Variants in CALN1 observed in about 807,000 individuals in gnomAD.
The protein encoded by CALN1 is calcium-binding protein 8.
CALN1 carries 17 observed loss-of-function variants against 30.6 expected under a neutral mutation model. The observed-to-expected ratio is 0.56, with a 90% confidence interval of 0.38 to 0.83. The LOEUF is 0.83. CALN1 is among the 40% of genes least tolerant of loss of function. The pLI, the probability that CALN1 is intolerant of heterozygous loss-of-function variation, is 0.00. For missense variants in CALN1, 291 were observed against 354.9 expected, an observed-to-expected ratio of 0.82 and a Z score of 1.45; for synonymous variants, 156 against 131.4, an observed-to-expected ratio of 1.19 and a Z score of -1.28.
intron 6 of CALN1, among the ~76,000 whole-genome samples, chr7:71,799,235 A>G (rs1277323596): frequency 6.6e-6 from 1 of 152,144 alleles, no homozygotes; most frequent in East Asian, 1.9e-4. Context: ...CTGCATGAGG[A>G]AGATTGTATC....
At chr7:72,247,720 G>C (rs1795285850) in intron 3 of CALN1, among the ~76,000 whole-genome samples, 1 of 152,182 alleles carries the variant, frequency 6.6e-6, no homozygotes, top group Admixed American at 6.5e-5. Flanking sequence ...GCCAGGCATG[G>C]AGGCTCATGC....
chr7:72,229,852 G>A (rs970787343), intron 3 of CALN1, among the ~76,000 whole-genome samples: 3 of 151,588 alleles, frequency 2.0e-5, no homozygotes, highest in Non-Finnish European at 4.4e-5. Context: ...TTAAAACCTA[G>A]ATGACAGGGG....
chr7:72,413,886 T>A (rs995315846), upstream of CALN1, among the ~76,000 whole-genome samples: 1 of 151,282 alleles, frequency 6.6e-6, no homozygotes, highest in Admixed American at 6.6e-5. Flanking sequence ...ACACACACAC[T>A]CTTACATACA....
At chr7:71,866,521 G>T (rs1791598496) in intron 5 of CALN1, among the ~76,000 whole-genome samples, 1 of 152,062 alleles carries the variant, frequency 6.6e-6, no homozygotes, top group South Asian at 2.1e-4. Flanking sequence ...AAAACATATA[G>T]ATCATTGATA....
intron 5 of CALN1, among the ~76,000 whole-genome samples, chr7:71,860,105 C>A (rs372222632): frequency 6.6e-6 from 1 of 152,042 alleles, no homozygotes; most frequent in Non-Finnish European, 1.5e-5. Flanking sequence ...TTTTTGCTAC[C>A]CTGTATAAAC....
intron 4 of CALN1, among the ~76,000 whole-genome samples, chr7:72,074,699 C>A (rs758984724): frequency 6.6e-6 from 1 of 152,216 alleles, no homozygotes; most frequent in Non-Finnish European, 1.5e-5. Context: ...TAAGCCACTG[C>A]ACCTGGCCCC....
intron 5 of CALN1, among the ~76,000 whole-genome samples, chr7:71,969,302 T>A (rs1003130356): frequency 6.6e-6 from 1 of 152,036 alleles, no homozygotes. Context: ...CTGACATGCA[T>A]TCTCGGTATT....
intron 2 of CALN1, among the ~76,000 whole-genome samples, chr7:72,316,402 G>C (rs943837089): frequency 1.1e-4 from 17 of 151,704 alleles, no homozygotes; most frequent in African/African-American, 4.1e-4. Context: ...ACATTCACAG[G>C]ATATTAAGTG....
intron 4 of CALN1, among the ~76,000 whole-genome samples, chr7:72,031,763 A>G (rs1801457282): frequency 7.9e-6 from 1 of 126,804 alleles, no homozygotes; most frequent in South Asian, 2.5e-4. Flanking sequence ...TTTTTTTGAG[A>G]CAGAAACTCG....
chr7:72,231,695 TATAGGAAAAGATGTAC>T (rs1794118342), intron 3 of CALN1, among the ~76,000 whole-genome samples: 1 of 152,166 alleles, frequency 6.6e-6, no homozygotes, highest in African/African-American at 2.4e-5. Flanking sequence ...CGTAGGTACC[TATAGGAAAAGATGTAC>T]TAGGTACAGA....
At chr7:72,344,879 T>C (rs1387450409) in intron 2 of CALN1, among the ~76,000 whole-genome samples, 5 of 147,582 alleles carry the variant, frequency 3.4e-5, no homozygotes, top group Admixed American at 2.7e-4. Context: ...CACATAAATA[T>C]ATAAATAGCA....
At chr7:72,406,556 CCA>C (rs756782141) in intron 1 of CALN1, among the ~76,000 whole-genome samples, 7 of 151,956 alleles carry the variant, frequency 4.6e-5, no homozygotes, top group Non-Finnish European at 7.4e-5. Context: ...TTTTTGAGCC[CCA>C]GTCTTGAAGT....
intron 5 of CALN1, among the ~76,000 whole-genome samples, chr7:71,941,276 G>T (rs933444437): frequency 7.8e-6 from 1 of 128,384 alleles, no homozygotes; most frequent in Admixed American, 9.6e-5. Context: ...GCTTGAACCC[G>T]GGAGGCGGAG....
intron 5 of CALN1, among the ~76,000 whole-genome samples, chr7:71,839,938 T>TC (rs2116487040): frequency 6.6e-6 from 1 of 152,176 alleles, no homozygotes; most frequent in South Asian, 2.1e-4. Flanking sequence ...GCTGCCCAGG[T>TC]CACATGCAGT....
chr7:72,252,922 TG>T (rs756012415), intron 3 of CALN1, among the ~76,000 whole-genome samples: 23 of 152,184 alleles, frequency 1.5e-4, no homozygotes, highest in Non-Finnish European at 2.9e-4. Flanking sequence ...TCAACATTTG[TG>T]AATGAATGAG....
chr7:72,387,074 C>G (rs1282026115), intron 2 of CALN1, among the ~76,000 whole-genome samples: 1 of 150,830 alleles, frequency 6.6e-6, no homozygotes, highest in African/African-American at 2.4e-5. Flanking sequence ...TTCCCAATGG[C>G]CAAGGGTGCA....
chr7:72,414,196 G>A (rs1807350835), upstream of CALN1, among the ~76,000 whole-genome samples: 1 of 152,126 alleles, frequency 6.6e-6, no homozygotes, highest in Non-Finnish European at 1.5e-5. Context: ...AGAGACCCAT[G>A]CTGGAGCCAG....
chr7:72,098,814 CACT>C (rs1806431861), intron 4 of CALN1, among the ~76,000 whole-genome samples: 2 of 144,458 alleles, frequency 1.4e-5, no homozygotes, highest in Admixed American at 7.0e-5. Flanking sequence ...CCAGTCCCAC[CACT>C]GAGGGCAAAC....
At chr7:72,271,575 A>AAAAAAATAT in intron 3 of CALN1, among the ~76,000 whole-genome samples, 5 of 52,126 alleles carry the variant, frequency 9.6e-5, no homozygotes, top group African/African-American at 1.3e-4. Context: ...AAAAAAAAAA[A>AAAAAAATAT]ATATATATAT....
Sources: gnomAD v4.1 joint callset for allele counts (sites outside exome capture counted in the v4.1 genomes callset) on GRCh38, gnomAD v4.1.1 for gene constraint, MANE v1.5 for transcripts, NCBI Gene and HGNC (gene_info 2026-07-23, HGNC 2026-07-21) for gene names.